PRICKLE1: variants seen among roughly 807,000 people sequenced by gnomAD.
The protein encoded by PRICKLE1 is prickle planar cell polarity protein 1.
PRICKLE1 carries 14 observed loss-of-function variants against 70.2 expected under a neutral mutation model. That is an observed-to-expected ratio of 0.20 (90% CI 0.13 to 0.31). The LOEUF is 0.31. Ranked by LOEUF, PRICKLE1 falls within the 10% of genes least tolerant of loss-of-function variation. The pLI, the probability that PRICKLE1 is intolerant of heterozygous loss-of-function variation, is 1.00. For missense variants in PRICKLE1, 821 were observed against 1,026.2 expected (o/e 0.80, Z 2.73); for synonymous variants, 357 against 379.9 (o/e 0.94, Z 0.70).
chr12:42,463,919 C>G (rs1278190649), intron 7 of PRICKLE1, among the ~76,000 whole-genome samples: 1 of 152,242 alleles, frequency 6.6e-6, no homozygotes, highest in Non-Finnish European at 1.5e-5. Flanking sequence ...TGCACATGCA[C>G]TCACCTCACA....
At chr12:42,541,337 CTCTT>C (rs1355869809) in intron 1 of PRICKLE1, among the ~76,000 whole-genome samples, 3 of 151,498 alleles carry the variant, frequency 2.0e-5, no homozygotes, top group African/African-American at 7.3e-5. Context: ...CTCTACTCTT[CTCTT>C]TTTTTTTTCT....
chr12:42,555,403 T>C (rs1469887589), intron 1 of PRICKLE1, among the ~76,000 whole-genome samples: 1 of 152,188 alleles, frequency 6.6e-6, no homozygotes, highest in Non-Finnish European at 1.5e-5. Flanking sequence ...AGTATTATTG[T>C]GGTTATAGAT....
chr12:42,565,189 G>A (rs1227789836), intron 1 of PRICKLE1, among the ~76,000 whole-genome samples: 1 of 152,180 alleles, frequency 6.6e-6, no homozygotes, highest in Non-Finnish European at 1.5e-5. Context: ...AGCACATCTG[G>A]GGTAGAGCCT....
chr12:42,570,102 C>T (rs1940682647), intron 1 of PRICKLE1, among the ~76,000 whole-genome samples: 1 of 152,226 alleles, frequency 6.6e-6, no homozygotes, highest in Non-Finnish European at 1.5e-5. Flanking sequence ...GTGCATGACA[C>T]CTGAGCGGTT....
intron 1 of PRICKLE1, among the ~76,000 whole-genome samples, chr12:42,540,759 C>T (rs1940097480): frequency 6.6e-6 from 1 of 152,066 alleles, no homozygotes; most frequent in East Asian, 1.9e-4. Context: ...TAGGGTTTCA[C>T]TATGTTGGTC....
At chr12:42,532,815 TGAACCCGG>T (rs1389777113) in intron 1 of PRICKLE1, among the ~76,000 whole-genome samples, 1 of 149,844 alleles carries the variant, frequency 6.7e-6, no homozygotes, top group African/African-American at 2.5e-5. Context: ...GAGAATGGTG[TGAACCCGG>T]GAGGCGGAGC....
intron 7 of PRICKLE1, among the ~76,000 whole-genome samples, chr12:42,462,549 C>T (rs761178716): frequency 5.3e-5 from 8 of 152,104 alleles, no homozygotes; most frequent in Non-Finnish European, 8.8e-5. Flanking sequence ...TAGCACTGGG[C>T]CTGGCAGACA....
intron 1 of PRICKLE1, among the ~76,000 whole-genome samples, chr12:42,476,067 G>A (rs1438373549): frequency 6.9e-6 from 1 of 145,334 alleles, no homozygotes; most frequent in Non-Finnish European, 1.5e-5. Context: ...ACTCCAGCCT[G>A]GGTGACAAGA....
chr12:42,470,430 G>T, intron 2 of PRICKLE1, 71 bp from the exon 3 acceptor site: 2 of 1,081,902 alleles, frequency 1.8e-6, no homozygotes, highest in Non-Finnish European at 2.9e-6. Flanking sequence ...ATCTTTAAAA[G>T]TTACCTTTCC....
At chr12:42,485,373 T>C (rs928211513) in intron 1 of PRICKLE1, 19 of 151,850 alleles carry the variant, frequency 1.3e-4, no homozygotes, top group Non-Finnish European at 4.4e-5. Flanking sequence ...AAATAGACTC[T>C]TTATTGGCCA....
At chr12:42,522,991 C>T (rs7966423) in intron 1 of PRICKLE1, among the ~76,000 whole-genome samples, 57,509 of 149,758 alleles carry the variant, frequency 0.38, 11,633 homozygotes, top group East Asian at 0.6. Flanking sequence ...AGATGGAGTC[C>T]CGCTCTGTCG....
chr12:42,532,826 G>A (rs1230539135), intron 1 of PRICKLE1, among the ~76,000 whole-genome samples: 1 of 151,990 alleles, frequency 6.6e-6, no homozygotes, highest in Non-Finnish European at 1.5e-5. Flanking sequence ...GAACCCGGGA[G>A]GCGGAGCTTG....
intron 1 of PRICKLE1, among the ~76,000 whole-genome samples, chr12:42,548,966 CA>C (rs1336025516): frequency 4.2e-5 from 1 of 23,574 alleles, no homozygotes; most frequent in Non-Finnish European, 8.4e-5. Flanking sequence ...ACTAAAAATA[CA>C]AAAATTAGCT....
chr12:42,551,406 A>C (rs1365049542), intron 1 of PRICKLE1, among the ~76,000 whole-genome samples: 1 of 152,218 alleles, frequency 6.6e-6, no homozygotes, highest in Non-Finnish European at 1.5e-5. Context: ...CACTCCAAAC[A>C]AACTGACTTT....
At chr12:42,469,812 T>C (rs1275067588) in intron 3 of PRICKLE1, 2 of 575,802 alleles carry the variant, frequency 3.5e-6, no homozygotes, top group Non-Finnish European at 6.0e-6. Flanking sequence ...AAATGTTTAA[T>C]TGAAAACCCT....
intron 1 of PRICKLE1, among the ~76,000 whole-genome samples, chr12:42,525,321 C>T (rs547334292): frequency 6.6e-6 from 1 of 152,256 alleles, no homozygotes; most frequent in South Asian, 2.1e-4. Context: ...TACAAATGTA[C>T]TGATAAAAGT....
chr12:42,529,991 G>A (rs1939882198), intron 1 of PRICKLE1, among the ~76,000 whole-genome samples: 2 of 148,360 alleles, frequency 1.3e-5, no homozygotes, highest in Non-Finnish European at 3.0e-5. Context: ...CTGTCATCCA[G>A]GCTGGAGTGC....
At chr12:42,575,490 T>C (rs887243298) in intron 1 of PRICKLE1, among the ~76,000 whole-genome samples, 2 of 151,868 alleles carry the variant, frequency 1.3e-5, no homozygotes, top group South Asian at 4.2e-4. Context: ...AGGTCAGGAG[T>C]TCGAGACCAG....
rs71084673 is a variant in PRICKLE1 at position 42,564,269 on chromosome 12, A to AAAAAAAAAAAAAAG, written c.-49+25195_-49+25196insCTTTTTTTTTTTTT. Among the ~76,000 whole-genome samples, 27 of 124,980 alleles carry AAAAAAAAAAAAAAG rather than the reference A, an allele frequency of 2.2e-4. 2 individuals are homozygous for AAAAAAAAAAAAAAG. The highest frequency in any genetic ancestry group is 6.8e-4 in the East Asian group (3 of 4,424). 82.0% of individuals were successfully genotyped at this position (124,980 alleles called of 152,430 possible). On this transcript the variant is annotated intron_variant, in intron 1 of 7. Coordinates refer to ENST00000345127, the MANE Select transcript of PRICKLE1 (RefSeq NM_153026.3). ...GACTCTGTCTAAAAAAAAAAAAAAA[A>AAAAAAAAAAAAAAG]AAAGAAAAGAAAAAAGAAAAAGGTC... is the stretch of plus-strand genomic sequence containing the variant.
Sources: gnomAD v4.1 joint callset for allele counts (sites outside exome capture counted in the v4.1 genomes callset) on GRCh38, gnomAD v4.1.1 for gene constraint, MANE v1.5 for transcripts, NCBI Gene and HGNC (gene_info 2026-07-23, HGNC 2026-07-21) for gene names.